The following LPL variants were observed in gnomAD, a reference collection of about 807,000 sequenced individuals.
The protein encoded by LPL is phospholipase A1.
In LPL, 43 loss-of-function variants were observed where a neutral mutation model predicts 52.2. That is an observed-to-expected ratio of 0.82 (90% CI 0.64 to 1.06). The LOEUF is 1.06. Among genes scored for constraint, LPL ranks in the 50% least tolerant of loss-of-function variants. LPL has a pLI of 0.00. For synonymous variants in LPL, 244 were observed against 215.6 expected, an observed-to-expected ratio of 1.13 and a Z score of -1.15; for missense variants, 639 against 585.3, an observed-to-expected ratio of 1.09 and a Z score of -0.95.
At chr8:19,964,084 C>A (rs960596762) in intron 9 of LPL, among the ~76,000 whole-genome samples, 1 of 152,018 alleles carries the variant, frequency 6.6e-6, no homozygotes, top group African/African-American at 2.4e-5. Context: ...TCCCAAGTAG[C>A]TGGGATTACA....
rs1194174059 is a variant in LPL at position 19,953,345 on chromosome 8, C to G, written c.465C>G (p.Leu155=). Residue 155 remains leucine, a synonymous_variant, in exon 4 of 10, where the codon CTC becomes CTG. Transcript: ENST00000650287. ...EFNYPLDNVH[L]LGYSLGAHAA... Reference sequence around the variant, plus strand: ...ACTACCCTCTGGACAATGTCCATCTCTTGGGATACAGCCTTGGAGCCCATG... The same window carrying G: ...ACTACCCTCTGGACAATGTCCATCTGTTGGGATACAGCCTTGGAGCCCATG... 6.2e-7 allele frequency: 1 copy of G among 1,613,996 alleles called. No individual in the cohort carries two copies. Among genetic ancestry groups the G allele is most frequent in the African/African-American group, 1.3e-5 (1 of 75,052 alleles).
intron 5 of LPL, among the ~76,000 whole-genome samples, chr8:19,954,857 T>C (rs2069970015): frequency 6.6e-6 from 1 of 152,200 alleles, no homozygotes; most frequent in Admixed American, 6.5e-5. Flanking sequence ...AGAGTCTTAT[T>C]CTATTGCCCA....
chr8:19,959,243 A>G lies in LPL; in HGVS notation c.1019-17A>G. 1 of 1,614,084 alleles carries G rather than the reference A, an allele frequency of 6.2e-7. No individual in the cohort carries two copies. Among genetic ancestry groups the G allele is most frequent in the Non-Finnish European group, 8.5e-7 (1 of 1,179,988 alleles). On this transcript the variant is annotated splice_polypyrimidine_tract_variant and intron_variant, in intron 6 of 9. Coordinates refer to ENST00000650287, the MANE Select transcript of LPL (RefSeq NM_000237.3). ...TCATAAAGATTGATCAACATGTTCG[A>G]ATTTCCTCCCCAACAGTCTTCCATT... is the stretch of plus-strand genomic sequence containing the variant.
intron 7 of LPL, 34 bp downstream of exon 7, chr8:19,959,414 C>T (rs775028286): frequency 6.2e-7 from 1 of 1,613,056 alleles, no homozygotes. Context: ...ATCATGGCAC[C>T]AGTCCCTCTC....
chr8:19,951,727 G>T, intron 2 of LPL, 42 bp from the exon 3 acceptor site: 2 of 1,607,336 alleles, frequency 1.2e-6, no homozygotes, highest in South Asian at 2.2e-5. Context: ...TATGACAAGT[G>T]GTAGGTGGGT....
At chr8:19,962,529 C>T (rs1368790776) in intron 9 of LPL, among the ~76,000 whole-genome samples, 7 of 152,152 alleles carry the variant, frequency 4.6e-5, no homozygotes, top group South Asian at 4.1e-4. Flanking sequence ...TTCTCTACTG[C>T]GTCTCTGCTG....
Position 19,966,465 on chromosome 8 carries a change from T to G in LPL, c.*1155T>G, listed in dbSNP as rs2128840683. ...CCATGAGGGTTGCTATTTGTTGTTT[T>G]TAACAACTAATCAAGAGTGAGTGAA... is the stretch of plus-strand genomic sequence containing the variant. On this transcript the variant is annotated 3_prime_UTR_variant, in exon 10 of 10. Transcript: ENST00000650287. The G allele has an allele frequency of 6.6e-6, 1 of 152,340 alleles. No individual in the cohort carries two copies. The highest frequency in any genetic ancestry group is 2.4e-5 in the African/African-American group (1 of 41,576). The allele number at this position is 152,340 out of a possible 1,614,324, so 9.4% of individuals were successfully genotyped here.
rs757038496 is a variant in LPL at position 19,953,405 on chromosome 8, A to G, written c.525A>G (p.Lys175=). The change falls in exon 4 of 10, where the codon AAA becomes AAG. Residue 175 remains lysine, a synonymous_variant. Transcript: ENST00000650287. The stretch of plus-strand genomic sequence containing the variant: ...TTGCAGGAAGTCTGACCAATAAGAA[A>G]GTCAACAGAATTACTGGTAAGAAAG... The part of the protein sequence containing the change: ...AGIAGSLTNK[K]VNRITGLDPA... 23 of 1,613,442 alleles carry G rather than the reference A, an allele frequency of 1.4e-5. No homozygotes were observed. The African/African-American group carries it at 2.5e-4, about 18-fold the overall frequency.
chr8:19,941,118 CTAAG>C (rs1255735210), intron 1 of LPL, among the ~76,000 whole-genome samples: 1 of 152,080 alleles, frequency 6.6e-6, no homozygotes, highest in Non-Finnish European at 1.5e-5. Context: ...AAAACAAACA[CTAAG>C]TATAGATTCC....
Position 19,965,901 on chromosome 8 carries a change from G to A in LPL, c.*591G>A, listed in dbSNP as rs1413821143. The A allele has an allele frequency of 6.6e-6, 1 of 152,348 alleles. No individual in the cohort carries two copies. Among genetic ancestry groups the A allele is most frequent in the Non-Finnish European group, 1.5e-5 (1 of 68,216 alleles). 9.4% of individuals were successfully genotyped at this position (152,348 alleles called of 1,614,324 possible). A position where few individuals can be genotyped will look rare whatever the true frequency, so the allele number is the denominator to read the frequency against. On this transcript the variant is annotated 3_prime_UTR_variant, in exon 10 of 10. Transcript: ENST00000650287. ...AAGAAAGGGTCTGATAAACACAGAG[G>A]TTTTAAACAGTCCCTACCATTGGCC...
At position 19,962,179 on chromosome 8, in the gene LPL, G is replaced by C. The variant is rs1302055142; in HGVS notation, c.1387G>C (p.Val463Leu). 6.2e-7 allele frequency: 1 copy of C among 1,613,892 alleles called. No individual in the cohort carries two copies. Among genetic ancestry groups the C allele is most frequent in the Non-Finnish European group, 8.5e-7 (1 of 1,179,816 alleles). ...GAAAGGAAAGGCACCTGCGGTATTT[G>C]TGAAATGCCATGACAAGTCTCTGAA... ...LQKGKAPAVF[V>L]KCHDKSLNKK... Residue 463 changes from valine (V) to leucine (L), a missense_variant, in exon 9 of 10, where the codon GTG becomes CTG. Transcript: ENST00000650287.
At position 19,959,354 on chromosome 8, in the gene LPL, C is replaced by G. The variant is rs750345655; in HGVS notation, c.1113C>G (p.Ala371=). 6.2e-7 allele frequency: 1 copy of G among 1,614,062 alleles called. No homozygotes were observed. Among genetic ancestry groups the G allele is most frequent in the Non-Finnish European group, 8.5e-7 (1 of 1,180,018 alleles). Residue 371 remains alanine (A), a synonymous_variant, in exon 7 of 10, where the codon GCC becomes GCG. Transcript: ENST00000650287. The part of the protein sequence containing the change: ...AFEISLYGTV[A]ESENIPFTLP... ...AGATTTCTCTGTATGGCACCGTGGC[C>G]GAGAGTGAGAACATCCCATTCACTC...
intron 6 of LPL, 52 bp downstream of exon 6, chr8:19,956,135 T>G (rs183252580): frequency 4.2e-4 from 677 of 1,610,204 alleles, no homozygotes; most frequent in Admixed American, 6.2e-4. Context: ...TATTTCATCA[T>G]GCTCACTGCA....
At chr8:19,942,331 G>T (rs1038088382) in intron 1 of LPL, among the ~76,000 whole-genome samples, 5 of 152,148 alleles carry the variant, frequency 3.3e-5, no homozygotes, top group African/African-American at 1.2e-4. Context: ...TAAATATGAA[G>T]ATGTTCCAGC....
rs118204060 is a variant in LPL at position 19,954,279 on chromosome 8, C to T, written c.701C>T (p.Pro234Leu). The T allele has an allele frequency of 3.2e-5, 52 of 1,613,972 alleles. No homozygotes were observed. Among genetic ancestry groups the T allele is most frequent in the Non-Finnish European group, 4.0e-5 (47 of 1,180,034 alleles). The change falls in exon 5 of 10, where the codon CCG (proline) becomes CTG (leucine). Residue 234 changes from proline (P) to leucine (L), a missense_variant. Coordinates refer to ENST00000650287, the MANE Select transcript of LPL (RefSeq NM_000237.3). The part of the protein sequence containing the change: ...QKPVGHVDIY[P>L]NGGTFQPGCN... ...CCAGTTGGGCATGTTGACATTTACCCGAATGGAGGTACTTTTCAGCCAGGA... is the reference window on the plus strand; with the variant it reads ...CCAGTTGGGCATGTTGACATTTACCTGAATGGAGGTACTTTTCAGCCAGGA...
chr8:19,954,264 ATG>A lies in LPL; in HGVS notation c.688_689del (p.Val230Ter). ...ATTGGAATCCAGAAACCAGTTGGGC[ATG>A]TTGACATTTACCCGAATGGAGGTAC... On this transcript the variant is annotated frameshift_variant, in exon 5 of 10. Transcript: ENST00000650287. LOFTEE classifies it high-confidence loss of function. 1.2e-6 allele frequency: 2 copies of A among 1,614,208 alleles called. No homozygotes were observed. The highest frequency in any genetic ancestry group is 1.7e-6 in the Non-Finnish European group (2 of 1,180,040).
At chr8:19,940,176 C>T (rs1282526626) in intron 1 of LPL, among the ~76,000 whole-genome samples, 2 of 152,210 alleles carry the variant, frequency 1.3e-5, no homozygotes, top group African/African-American at 4.8e-5. Context: ...GCGTCCCACC[C>T]GCTCTGGGGA....
rs780013139 is a variant in LPL, at chr8:19,955,932, C to T, written c.867C>T (p.Tyr289=). Residue 289 remains tyrosine (Y), a synonymous_variant, in exon 6 of 10, where the codon TAC becomes TAT. Transcript: ENST00000650287. ...ATGAAGAAAATCCAAGTAAGGCCTA[C>T]AGGTGCAGTTCCAAGGAAGCCTTTG... ...LLNEENPSKA[Y]RCSSKEAFEK... 3 of 1,614,048 alleles carry T rather than the reference C, an allele frequency of 1.9e-6. No individual in the cohort carries two copies. The highest frequency in any genetic ancestry group is 1.7e-5 in the Admixed American group (1 of 60,004).
rs557408322 is a variant in LPL, at chr8:19,944,181, G to A, written c.89-3999G>A. Among the ~76,000 whole-genome samples the A allele has an allele frequency of 8.5e-5, 13 of 152,102 alleles. No homozygotes were observed. Among genetic ancestry groups the A allele is most frequent in the African/African-American group, 2.4e-4 (10 of 41,508 alleles). ...AGCCTGGGTGACAGAGCAAGACTCCGTTTCAAAAAATAATAATAAAATAAA... is the reference window on the plus strand; with the variant it reads ...AGCCTGGGTGACAGAGCAAGACTCCATTTCAAAAAATAATAATAAAATAAA... On this transcript the variant is annotated intron_variant, in intron 1 of 9. Coordinates refer to ENST00000650287, the MANE Select transcript of LPL (RefSeq NM_000237.3). The surrounding 1 kb of genome is among the most constrained non-coding windows in gnomAD (Gnocchi z 4.2).
Sources: allele counts gnomAD v4.1 joint callset (sites outside exome capture counted in the v4.1 genomes callset), GRCh38; gene constraint gnomAD v4.1.1; non-coding constraint Gnocchi (gnomAD v3.1); transcripts MANE v1.5; gene names NCBI Gene and HGNC (gene_info 2026-07-23, HGNC 2026-07-21).